C8orf34: variants seen among roughly 807,000 people sequenced by gnomAD.
C8orf34 encodes the protein uncharacterized protein C8orf34.
In C8orf34, 65 loss-of-function variants were observed where a neutral mutation model predicts 68.3. The ratio of observed to expected loss-of-function variants is 0.95; its 90% CI spans 0.78 to 1.17. C8orf34 has a LOEUF of 1.17. C8orf34 is among the 50% of genes most tolerant of loss of function. C8orf34 has a pLI of 0.00. For synonymous variants in C8orf34, 244 were observed against 241.2 expected, an observed-to-expected ratio of 1.01 and a Z score of -0.11; for missense variants, 664 against 655.4, an observed-to-expected ratio of 1.01 and a Z score of -0.14.
intron 1 of C8orf34, among the ~76,000 whole-genome samples, chr8:68,410,528 G>A (rs945448878): frequency 6.6e-6 from 1 of 152,106 alleles, no homozygotes; most frequent in Non-Finnish European, 1.5e-5. Flanking sequence ...TCAAACTGTG[G>A]TATTTGGGAA....
chr8:68,633,862 C>T (rs1290314974), intron 7 of C8orf34, among the ~76,000 whole-genome samples: 3 of 132,110 alleles, frequency 2.3e-5, no homozygotes, highest in Admixed American at 1.6e-4. Context: ...TTACCTTTTC[C>T]CTTGTAGGAG....
At chr8:68,342,598 G>A (rs1806117601) in intron 1 of C8orf34, among the ~76,000 whole-genome samples, 1 of 152,130 alleles carries the variant, frequency 6.6e-6, no homozygotes, top group Non-Finnish European at 1.5e-5. Context: ...GTTTTAAATT[G>A]CATATCATTC....
At position 68,532,973 on chromosome 8, in the gene C8orf34, A is replaced by G. The variant is rs1815310104; in HGVS notation, c.939-10A>G. 1 of 1,553,638 alleles carries G rather than the reference A, an allele frequency of 6.4e-7. No individual in the cohort carries two copies. The highest frequency in any genetic ancestry group is 2.0e-5 in the Admixed American group (1 of 50,072). On this transcript the variant is annotated splice_polypyrimidine_tract_variant and intron_variant, in intron 6 of 13. Transcript: ENST00000518698. ...TATCACAGCTAATTAACATTTAAAT[A>G]TTTCTTCAGCTTAAAGATGGAGCCT...
rs558118302 is a variant in C8orf34, at chr8:68,446,344, G to C, written c.491G>C (p.Arg164Thr). The part of the protein sequence containing the change: ...ESEKSESKGT[R>T]RDFRSYDKPW... ...GTTTTAACAGAATCCAAAGGAACAA[G>C]AAGGGATTTCAGAAGCTATGATAAA... is the stretch of plus-strand genomic sequence containing the variant. The change falls in exon 3 of 14, where the codon AGA (arginine) becomes ACA (threonine). Residue 164 changes from arginine to threonine, a missense_variant. Transcript: ENST00000518698. 28 of 1,598,852 alleles carry C rather than the reference G, an allele frequency of 1.8e-5. No homozygotes were observed. In the East Asian group the frequency reaches 5.8e-4, roughly 33 times the overall value.
At chr8:68,717,172 T>G (rs1563627422) in intron 9 of C8orf34, among the ~76,000 whole-genome samples, 1 of 152,032 alleles carries the variant, frequency 6.6e-6, no homozygotes, top group African/African-American at 2.4e-5. Context: ...GCCTAATGCT[T>G]CTTAAACAAA....
intron 7 of C8orf34, among the ~76,000 whole-genome samples, chr8:68,602,445 G>A (rs1817726263): frequency 1.3e-5 from 2 of 152,152 alleles, no homozygotes. Flanking sequence ...TGGCAGGAGA[G>A]AGAAATGAGA....
chr8:68,425,204 TTCCTC>T (rs1810157989), intron 1 of C8orf34, among the ~76,000 whole-genome samples: 1 of 152,206 alleles, frequency 6.6e-6, no homozygotes, highest in Admixed American at 6.5e-5. Flanking sequence ...CTGAATGCTT[TTCCTC>T]TAAGTTTGAG....
intron 5 of C8orf34, among the ~76,000 whole-genome samples, chr8:68,504,622 C>T (rs905123315): frequency 8.6e-5 from 13 of 151,908 alleles, no homozygotes; most frequent in African/African-American, 1.9e-4. Flanking sequence ...TGGGTTCCAG[C>T]GATTCTCCTG....
At chr8:68,679,064 G>T (rs1396647456) in intron 8 of C8orf34, among the ~76,000 whole-genome samples, 2 of 152,046 alleles carry the variant, frequency 1.3e-5, no homozygotes, top group African/African-American at 4.8e-5. Flanking sequence ...ACTTTGGGAG[G>T]CCGAGGTGGG....
chr8:68,533,141 A>G lies in C8orf34; in HGVS notation c.1097A>G (p.Glu366Gly), dbSNP rs1273343219. ...EDIDNEDDAM[E>G]LLEDLNDLRM... ...ATTGATAATGAAGATGATGCAATGG[A>G]ATTGCTGGGTAATTTTAAAAATTAA... is the stretch of plus-strand genomic sequence containing the variant. The change falls in exon 7 of 14, where the codon GAA becomes GGA. Residue 366 changes from glutamate to glycine, a missense_variant. Coordinates refer to ENST00000518698, the MANE Select transcript of C8orf34 (RefSeq NM_052958.4). 8 of 1,570,638 alleles carry G rather than the reference A, an allele frequency of 5.1e-6. No individual in the cohort carries two copies. The highest frequency in any genetic ancestry group is 6.0e-6 in the Non-Finnish European group (7 of 1,164,760).
chr8:68,556,834 C>T (rs1816271685), intron 7 of C8orf34, among the ~76,000 whole-genome samples: 1 of 152,124 alleles, frequency 6.6e-6, no homozygotes, highest in Non-Finnish European at 1.5e-5. Context: ...GATTGAATTT[C>T]CCTTTAACAG....
In C8orf34 at chr8:68,478,000, G is replaced by A. The variant is rs186743724; in HGVS notation, c.736+9180G>A. 3.0e-4 allele frequency among the ~76,000 whole-genome samples: 46 copies of A among 152,252 alleles called. No homozygotes were observed. The Middle Eastern group carries it at 0.01, about 34-fold the overall frequency. ...AGGTCTCTGGACCTTTGATGGGAGG[G>A]GCTGCCATGAATACCTCTGACATGC... On this transcript the variant is annotated intron_variant, in intron 4 of 13. Transcript: ENST00000518698.
At chr8:68,604,220 G>T (rs1225772181) in intron 7 of C8orf34, among the ~76,000 whole-genome samples, 1 of 151,854 alleles carries the variant, frequency 6.6e-6, no homozygotes, top group Non-Finnish European at 1.5e-5. Context: ...GAAACAAATG[G>T]AAGAGAAGAA....
intron 4 of C8orf34, among the ~76,000 whole-genome samples, chr8:68,470,812 T>C (rs1287760258): frequency 6.6e-6 from 1 of 152,008 alleles, no homozygotes; most frequent in Non-Finnish European, 1.5e-5. Context: ...ATCCCAATCA[T>C]GAGAAAGGAG....
intron 8 of C8orf34, among the ~76,000 whole-genome samples, chr8:68,659,869 T>C (rs1357410151): frequency 6.6e-6 from 1 of 152,126 alleles, no homozygotes; most frequent in Non-Finnish European, 1.5e-5. Context: ...CCTGTCAAAG[T>C]CTTATAGCTG....
chr8:68,607,316 A>G (rs1445168028), intron 7 of C8orf34, among the ~76,000 whole-genome samples: 2 of 152,152 alleles, frequency 1.3e-5, no homozygotes, highest in Admixed American at 1.3e-4. Flanking sequence ...GGTGGTTTAA[A>G]CAACATTTCT....
At chr8:68,625,004 A>G (rs562371154) in intron 7 of C8orf34, among the ~76,000 whole-genome samples, 11 of 152,170 alleles carry the variant, frequency 7.2e-5, no homozygotes, top group Non-Finnish European at 1.5e-4. Context: ...TAAATTTATA[A>G]TGTAATTTCA....
intron 10 of C8orf34, among the ~76,000 whole-genome samples, chr8:68,733,368 A>G (rs574447705): frequency 6.6e-6 from 1 of 152,310 alleles, no homozygotes; most frequent in South Asian, 2.1e-4. Context: ...ACGTTCGCCA[A>G]ATGTAGGCTG....
At chr8:68,743,576 G>A (rs547420604) in intron 10 of C8orf34, among the ~76,000 whole-genome samples, 305 of 152,334 alleles carry the variant, frequency 2.0e-3, no homozygotes, top group African/African-American at 4.4e-3. Context: ...CTCGGGAAGC[G>A]CAAGGGGTCA....
Sources: allele counts gnomAD v4.1 joint callset (sites outside exome capture counted in the v4.1 genomes callset), GRCh38; gene constraint gnomAD v4.1.1; transcripts MANE v1.5; gene names NCBI Gene and HGNC (gene_info 2026-07-23, HGNC 2026-07-21).